AFG2A: variants seen among roughly 807,000 people sequenced by gnomAD.
AFG2A encodes ATPase family gene 2 protein homolog A.
chr4:123,167,593 C>A, the AFG2A span, among the ~76,000 whole-genome samples: 1 of 152,128 alleles, frequency 6.6e-6, no homozygotes, highest in Non-Finnish European at 1.5e-5. Flanking sequence ...GTGATCCACC[C>A]ACCTCGGCCT....
At chr4:122,991,543 T>C in the AFG2A span, among the ~76,000 whole-genome samples, 1 of 152,222 alleles carries the variant, frequency 6.6e-6, no homozygotes, top group East Asian at 1.9e-4. Flanking sequence ...TATATGTCTG[T>C]TGTTTTAAGT....
At chr4:123,179,606 C>T in the AFG2A span, among the ~76,000 whole-genome samples, 76,908 of 152,076 alleles carry the variant, frequency 0.51, 23,642 homozygotes, top group Non-Finnish European at 0.67. Context: ...TCAGGCAGTC[C>T]GCCCACCTCA....
the AFG2A span, among the ~76,000 whole-genome samples, chr4:123,022,952 G>A: frequency 6.0e-5 from 9 of 149,612 alleles, no homozygotes; most frequent in African/African-American, 9.9e-5. Context: ...ACCAAACACC[G>A]CATGTTCTCA....
chr4:123,002,395 A>C, the AFG2A span, among the ~76,000 whole-genome samples: 55 of 152,216 alleles, frequency 3.6e-4, no homozygotes, highest in Middle Eastern at 3.4e-3. Context: ...GTTTCTTCCT[A>C]GTCTCAATGG....
the AFG2A span, among the ~76,000 whole-genome samples, chr4:123,239,486 G>A: frequency 9.2e-5 from 14 of 152,098 alleles, no homozygotes; most frequent in South Asian, 2.1e-4. Context: ...CGGCTCTCTC[G>A]GGCAGAAATC....
the AFG2A span, among the ~76,000 whole-genome samples, chr4:122,939,251 G>T: frequency 0.012 from 1,837 of 151,478 alleles, 42 homozygotes; most frequent in African/African-American, 0.041. Flanking sequence ...ACGCCTGGCT[G>T]ATTTTGTATT....
At chr4:123,191,621 T>C in the AFG2A span, among the ~76,000 whole-genome samples, 5 of 152,174 alleles carry the variant, frequency 3.3e-5, no homozygotes, top group African/African-American at 4.8e-5. Context: ...ATTCTCATTC[T>C]CTCATCTATC....
the AFG2A span, chr4:122,934,547 A>G: frequency 1.2e-6 from 2 of 1,614,008 alleles, no homozygotes; most frequent in South Asian, 1.1e-5. Flanking sequence ...GCAAAGTGCA[A>G]TACTGATACT....
chr4:123,169,783 T>C, the AFG2A span, among the ~76,000 whole-genome samples: 1 of 152,208 alleles, frequency 6.6e-6, no homozygotes, highest in South Asian at 2.1e-4. Flanking sequence ...GCCCGGCCTG[T>C]TCTATATTAT....
the AFG2A span, among the ~76,000 whole-genome samples, chr4:122,975,682 C>T: frequency 6.6e-6 from 1 of 152,006 alleles, no homozygotes. Flanking sequence ...GAACCTGAAT[C>T]TTTTATAATG....
chr4:123,107,001 G>A, the AFG2A span, among the ~76,000 whole-genome samples: 1 of 152,220 alleles, frequency 6.6e-6, no homozygotes, highest in Non-Finnish European at 1.5e-5. Context: ...GCAAGGCTGT[G>A]GCTGGACCAG....
the AFG2A span, among the ~76,000 whole-genome samples, chr4:123,141,342 A>C: frequency 6.6e-6 from 1 of 152,148 alleles, no homozygotes. Flanking sequence ...GTGGGCCTGT[A>C]GTCCCAGCTA....
chr4:122,996,570 CAGATAGAT>C, the AFG2A span, among the ~76,000 whole-genome samples: 4,070 of 139,600 alleles, frequency 0.029, 83 homozygotes, highest in African/African-American at 0.052. Flanking sequence ...GGTAGGTAGG[CAGATAGAT>C]AGATAGATAG....
At chr4:123,091,209 A>G in the AFG2A span, among the ~76,000 whole-genome samples, 1 of 152,216 alleles carries the variant, frequency 6.6e-6, no homozygotes, top group Non-Finnish European at 1.5e-5. Context: ...CATTTCCTGC[A>G]CATGCTACAG....
the AFG2A span, among the ~76,000 whole-genome samples, chr4:122,996,630 G>C: frequency 7.7e-6 from 1 of 129,784 alleles, no homozygotes; most frequent in Non-Finnish European, 1.7e-5. Flanking sequence ...GATAGGAGAG[G>C]AGATTTATTA....
At chr4:122,985,674 C>T in the AFG2A span, among the ~76,000 whole-genome samples, 1 of 151,446 alleles carries the variant, frequency 6.6e-6, no homozygotes, top group Non-Finnish European at 1.5e-5. Context: ...TTTCTCTCTT[C>T]TTTTCTTGGT....
At chr4:122,998,761 G>A in the AFG2A span, among the ~76,000 whole-genome samples, 279 of 152,190 alleles carry the variant, frequency 1.8e-3, 8 homozygotes, top group Admixed American at 1.8e-3. Context: ...GAATAGTGCC[G>A]CAATAAACAT....
chr4:123,205,113 T>G, the AFG2A span, among the ~76,000 whole-genome samples: 2 of 152,222 alleles, frequency 1.3e-5, no homozygotes, highest in African/African-American at 4.8e-5. Flanking sequence ...CAGGGTATTC[T>G]CTTCACCAGC....
At chr4:122,935,573 C>T in the AFG2A span, 4 of 889,096 alleles carry the variant, frequency 4.5e-6, no homozygotes, top group Admixed American at 6.4e-5. Flanking sequence ...GTACATCTTT[C>T]TGGAGGGGGA....
Sources: gnomAD v4.1 joint callset for allele counts (sites outside exome capture counted in the v4.1 genomes callset) on GRCh38, gnomAD v4.1.1 for gene constraint, MANE v1.5 for transcripts, NCBI Gene and HGNC (gene_info 2026-07-23, HGNC 2026-07-21) for gene names.